The following AGAP1 variants were observed in gnomAD, a reference collection of about 807,000 sequenced individuals.
AGAP1 encodes the protein arf-GAP with GTPase, ANK repeat and PH domain-containing protein 1.
AGAP1 carries 29 observed loss-of-function variants against 105.3 expected under a neutral mutation model. The ratio of observed to expected loss-of-function variants is 0.28; its 90% CI spans 0.21 to 0.38. The LOEUF is 0.38. Among genes scored for constraint, AGAP1 ranks in the 10% least tolerant of loss-of-function variants. The probability of loss-of-function intolerance (pLI) is 1.00; values close to 1 mark genes in which losing one functional copy is unlikely to be tolerated. For missense variants in AGAP1, 998 were observed against 1,165.1 expected, an observed-to-expected ratio of 0.86 and a Z score of 2.09; for synonymous variants, 509 against 485.9, an observed-to-expected ratio of 1.05 and a Z score of -0.63.
intron 9 of AGAP1, among the ~76,000 whole-genome samples, chr2:235,881,568 CAG>C (rs1355385266): frequency 1.3e-5 from 2 of 152,310 alleles, no homozygotes; most frequent in East Asian, 3.9e-4. Context: ...AAGACAGAGA[CAG>C]AGACTCCCGA....
chr2:236,085,410 A>G (rs2058904136), intron 16 of AGAP1, among the ~76,000 whole-genome samples: 1 of 151,786 alleles, frequency 6.6e-6, no homozygotes, highest in African/African-American at 2.4e-5. Flanking sequence ...GGAGGGGAGC[A>G]CTCTCTAAGG....
rs1328525428 is a variant in AGAP1, at chr2:235,728,320, T to TGTGTGTGTGTGTGTGTGTGTGTGTGCGC, written c.310+10683_310+10684insTGTGTGTGTGTGTGTGTGCGCGTGTGTG. 6.6e-6 allele frequency among the ~76,000 whole-genome samples: 1 copy of TGTGTGTGTGTGTGTGTGTGTGTGTGCGC among 151,718 alleles called. No homozygotes were observed. The highest frequency in any genetic ancestry group is 2.4e-5 in the African/African-American group (1 of 41,148). Reference sequence around the variant, plus strand: ...CAGACTCTGTGTGTGTGTGTGTGTGTGTGTGTGCGTGCTCTTAAATCAATG... The same window carrying TGTGTGTGTGTGTGTGTGTGTGTGTGCGC: ...CAGACTCTGTGTGTGTGTGTGTGTGTGTGTGTGTGTGTGTGTGTGTGTGTGCGCGTGTGTGCGTGCTCTTAAATCAATG... On this transcript the variant is annotated intron_variant, in intron 3 of 17. Transcript: ENST00000304032. The surrounding 1 kb of genome is among the most constrained non-coding windows in gnomAD (Gnocchi z 4.3).
At chr2:235,786,454 T>C (rs1477519744) in intron 6 of AGAP1, among the ~76,000 whole-genome samples, 1 of 152,242 alleles carries the variant, frequency 6.6e-6, no homozygotes, top group Non-Finnish European at 1.5e-5. Flanking sequence ...CATTTCAGAT[T>C]AATCTAAGCT....
rs1303958751 is a variant in AGAP1 at position 235,737,139 on chromosome 2, C to G, written c.311-3824C>G. On this transcript the variant is annotated intron_variant, in intron 3 of 17. Transcript: ENST00000304032. The surrounding 1 kb of genome is among the most constrained non-coding windows in gnomAD (Gnocchi z 4.5). ...GCCCTGCGGGACCTTTTGAAAATCT[C>G]CCCAGTAAAGACATTCTTGCTTTCA... Among the ~76,000 whole-genome samples the G allele has an allele frequency of 1.3e-5, 2 of 152,196 alleles. No homozygotes were observed. Among genetic ancestry groups the G allele is most frequent in the Non-Finnish European group, 2.9e-5 (2 of 68,044 alleles).
chr2:235,892,651 G>A (rs1559615623), intron 10 of AGAP1, among the ~76,000 whole-genome samples: 1 of 151,746 alleles, frequency 6.6e-6, no homozygotes, highest in Non-Finnish European at 1.5e-5. Flanking sequence ...AACTGCCTTT[G>A]TAAATACACG....
intron 1 of AGAP1, among the ~76,000 whole-genome samples, chr2:235,646,704 C>T (rs1559311858): frequency 1.3e-5 from 2 of 152,178 alleles, no homozygotes; most frequent in African/African-American, 4.8e-5. Context: ...GAGATAAGTT[C>T]AAGGTCACTG....
rs903859869 is a variant in AGAP1, at chr2:235,612,773, C to T, written c.164-96406C>T. The stretch of plus-strand genomic sequence containing the variant: ...GCTTGCATGCCGGACGCATACCTGG[C>T]ACCTGCTTCCAGGTTGGCCTGCCAG... On this transcript the variant is annotated intron_variant, in intron 1 of 17. Transcript: ENST00000304032. This position sits in a 1 kb window ranked among gnomAD's most constrained non-coding sequence, Gnocchi z 4.3. 6.6e-6 allele frequency among the ~76,000 whole-genome samples: 1 copy of T among 152,144 alleles called. No homozygotes were observed. The highest frequency in any genetic ancestry group is 1.9e-4 in the East Asian group (1 of 5,170).
rs1345534852 is a variant in AGAP1, at chr2:235,665,411, C to CATA, written c.164-43767_164-43766insTAA. 6.6e-6 allele frequency among the ~76,000 whole-genome samples: 1 copy of CATA among 152,158 alleles called. No homozygotes were observed. Among genetic ancestry groups the CATA allele is most frequent in the Non-Finnish European group, 1.5e-5 (1 of 68,032 alleles). ...AAGGGTCAAGTCCTCATCTCTTTTA[C>CATA]AGTTCCACGTTTAACCTTCAGCTTT... On this transcript the variant is annotated intron_variant, in intron 1 of 17. Transcript: ENST00000304032. The surrounding 1 kb of genome is among the most constrained non-coding windows in gnomAD (Gnocchi z 5.3).
intron 9 of AGAP1, among the ~76,000 whole-genome samples, chr2:235,851,660 C>T (rs907930700): frequency 3.3e-5 from 5 of 152,052 alleles, no homozygotes; most frequent in African/African-American, 1.2e-4. Context: ...GAACCCAGAA[C>T]ACCCGGAAAT....
chr2:236,015,474 C>T (rs1171524725), intron 13 of AGAP1, among the ~76,000 whole-genome samples: 7 of 152,118 alleles, frequency 4.6e-5, no homozygotes, highest in African/African-American at 7.2e-5. Context: ...CTTTTTTCAC[C>T]GAAGACAGCC....
Position 236,087,609 on chromosome 2 carries a change from G to C in AGAP1, c.2115-32583G>C, listed in dbSNP as rs1206283570. Among the ~76,000 whole-genome samples the C allele has an allele frequency of 6.6e-6, 1 of 152,110 alleles. No homozygotes were observed. The highest frequency in any genetic ancestry group is 2.4e-5 in the African/African-American group (1 of 41,418). On this transcript the variant is annotated intron_variant, in intron 16 of 17. Coordinates refer to ENST00000304032, the MANE Select transcript of AGAP1 (RefSeq NM_001037131.3). This position sits in a 1 kb window ranked among gnomAD's most constrained non-coding sequence, Gnocchi z 5.7. ...TTTGATGTTCTGAATCAGGCCCCTTGGTTAAGCGTGATAACATGATCACCT... is the reference window on the plus strand; with the variant it reads ...TTTGATGTTCTGAATCAGGCCCCTTCGTTAAGCGTGATAACATGATCACCT...
intron 3 of AGAP1, among the ~76,000 whole-genome samples, chr2:235,730,499 C>T (rs899341311): frequency 4.6e-5 from 4 of 87,078 alleles, no homozygotes; most frequent in Admixed American, 1.1e-4. Context: ...AAAAAAAAAA[C>T]GAGACAAGGT....
chr2:235,547,031 A>G (rs1384432059), intron 1 of AGAP1, among the ~76,000 whole-genome samples: 1 of 152,180 alleles, frequency 6.6e-6, no homozygotes, highest in Non-Finnish European at 1.5e-5. Flanking sequence ...ATGCTTCCCC[A>G]CAGAGATCTG....
chr2:235,540,214 A>C (rs1388116775), intron 1 of AGAP1, among the ~76,000 whole-genome samples: 1 of 142,866 alleles, frequency 7.0e-6, no homozygotes, highest in Non-Finnish European at 1.5e-5. Context: ...GCAGTGGTGC[A>C]GTCTCAGCTC....
intron 1 of AGAP1, among the ~76,000 whole-genome samples, chr2:235,630,276 C>G (rs1328890085): frequency 2.0e-5 from 3 of 152,078 alleles, no homozygotes; most frequent in African/African-American, 4.8e-5. Context: ...TGCAATGGCA[C>G]TATCTCAGCT....
chr2:235,833,520 C>CTGAGTTCTCATTTGCCCGGTTGGAACAG (rs1959713119), intron 9 of AGAP1, among the ~76,000 whole-genome samples: 1 of 151,960 alleles, frequency 6.6e-6, no homozygotes, highest in African/African-American at 2.4e-5. Context: ...CTCATGCTCA[C>CTGAGTTCTCATTTGCCCGGTTGGAACAG]CTTGACTCTC....
chr2:236,094,545 C>A (rs2059146394), intron 16 of AGAP1, among the ~76,000 whole-genome samples: 1 of 151,822 alleles, frequency 6.6e-6, no homozygotes, highest in Non-Finnish European at 1.5e-5. Flanking sequence ...AGAGACCAGG[C>A]TTCACCGTGT....
At chr2:235,513,604 G>A (rs1942249052) in intron 1 of AGAP1, among the ~76,000 whole-genome samples, 1 of 151,826 alleles carries the variant, frequency 6.6e-6, no homozygotes, top group African/African-American at 2.4e-5. Flanking sequence ...GGTGGCGGGT[G>A]AGGCCTGGGA....
intron 13 of AGAP1, among the ~76,000 whole-genome samples, chr2:235,985,009 A>T (rs1442879366): frequency 6.6e-6 from 1 of 152,136 alleles, no homozygotes; most frequent in Non-Finnish European, 1.5e-5. Flanking sequence ...CTGGCTCTAG[A>T]TCCTTGAGGA....
Sources: gnomAD v4.1 joint callset for allele counts (sites outside exome capture counted in the v4.1 genomes callset) on GRCh38, gnomAD v4.1.1 for gene constraint, Gnocchi (gnomAD v3.1) non-coding constraint, MANE v1.5 for transcripts, NCBI Gene and HGNC (gene_info 2026-07-23, HGNC 2026-07-21) for gene names.